CACNA1C: variants seen among roughly 807,000 people sequenced by gnomAD.
The protein encoded by CACNA1C is voltage-dependent L-type calcium channel subunit alpha-1C.
A neutral mutation model predicts 229.0 loss-of-function variants in CACNA1C; 30 were observed. The observed-to-expected ratio is 0.13, with a 90% CI of 0.10 to 0.18. The LOEUF is 0.18. Among genes scored for constraint, CACNA1C ranks in the 10% least tolerant of loss-of-function variants. CACNA1C has a pLI of 1.00. For missense variants in CACNA1C, 1,658 were observed against 2,845.0 expected, an observed-to-expected ratio of 0.58 and a Z score of 9.49; for synonymous variants, 1,114 against 1,132.5, an observed-to-expected ratio of 0.98 and a Z score of 0.33.
chr12:2,268,031 G>A (rs946729807), intron 3 of CACNA1C, among the ~76,000 whole-genome samples: 3 of 152,122 alleles, frequency 2.0e-5, no homozygotes, highest in Non-Finnish European at 2.9e-5. Context: ...AGGTTTTTAG[G>A]TTCTTTGATT....
chr12:2,272,963 C>G (rs1394171072), intron 3 of CACNA1C, among the ~76,000 whole-genome samples: 1 of 152,164 alleles, frequency 6.6e-6, no homozygotes, highest in Non-Finnish European at 1.5e-5. Context: ...TTAATTTTGT[C>G]CGCGTTAGAA....
Position 2,606,652 on chromosome 12 carries a change from G to A in CACNA1C, c.3198G>A (p.Glu1066=), listed in dbSNP as rs765744293. The A allele has an allele frequency of 3.1e-6, 5 of 1,609,500 alleles. No individual in the cohort carries two copies. The South Asian group carries it at 4.5e-5, about 14-fold the overall frequency. ...GTTCAGACAGTTCCAAGCAGACAGA[G>A]GCGGAATGCAAGTGAGTAGAGGTGG... ...YTCSDSSKQT[E]AECKGNYITY... Residue 1066 remains glutamate, a synonymous_variant, in exon 25 of 47, where the codon GAG becomes GAA. Coordinates refer to ENST00000399655, the MANE Select transcript of CACNA1C (RefSeq NM_000719.7).
At chr12:2,129,998 TTTTGGCTTCTTAGAAGCCA>T (rs373171878) in intron 3 of CACNA1C, among the ~76,000 whole-genome samples, 90 of 152,320 alleles carry the variant, frequency 5.9e-4, no homozygotes, top group African/African-American at 2.1e-3. Flanking sequence ...ATAACATTGA[TTTTGGCTTCTTAGAAGCCA>T]TTTTTCCCCT....
intron 3 of CACNA1C, among the ~76,000 whole-genome samples, chr12:2,443,194 G>T (rs1228270878): frequency 6.6e-6 from 1 of 152,148 alleles, no homozygotes; most frequent in Non-Finnish European, 1.5e-5. Flanking sequence ...AAGCAAGTTA[G>T]TTACTTACAA....
intron 1 of CACNA1C, among the ~76,000 whole-genome samples, chr12:2,109,928 G>T (rs2080981859): frequency 6.6e-6 from 1 of 152,204 alleles, no homozygotes; most frequent in African/African-American, 2.4e-5. Context: ...TCCTTCTACA[G>T]TGTCACTGTA....
chr12:2,315,864 G>C (rs760930533), intron 3 of CACNA1C, among the ~76,000 whole-genome samples: 4 of 152,200 alleles, frequency 2.6e-5, no homozygotes, highest in Non-Finnish European at 5.9e-5. Context: ...AGCAGTAAGA[G>C]TGCCCTAAGA....
chr12:2,625,579 A>G (rs1216399581), intron 29 of CACNA1C, among the ~76,000 whole-genome samples: 2 of 152,022 alleles, frequency 1.3e-5, no homozygotes, highest in Non-Finnish European at 2.9e-5. Context: ...AACAACAGCA[A>G]TAGTAGCAAC....
chr12:2,487,824 C>T (rs1226405081), intron 6 of CACNA1C, among the ~76,000 whole-genome samples: 2 of 152,134 alleles, frequency 1.3e-5, no homozygotes, highest in Non-Finnish European at 2.9e-5. Context: ...TAAAATCCTT[C>T]CTTTTATTCA....
intron 3 of CACNA1C, among the ~76,000 whole-genome samples, chr12:2,127,665 A>G (rs2090632651): frequency 6.6e-6 from 1 of 152,170 alleles, no homozygotes; most frequent in Non-Finnish European, 1.5e-5. Context: ...GCATTGGGAA[A>G]GTGCTTCTAC....
Position 2,647,847 on chromosome 12 carries a change from G to A in CACNA1C, c.3913-628G>A, listed in dbSNP as rs867902302. ...TAAAAAACAAATTAAAACAGGCTTG[G>A]CACAGTGGCTTACACCGGTAATCCC... On this transcript the variant is annotated intron_variant, in intron 30 of 46. Coordinates refer to ENST00000399655, the MANE Select transcript of CACNA1C (RefSeq NM_000719.7). The surrounding 1 kb of genome is among the most constrained non-coding windows in gnomAD (Gnocchi z 4.2). Among the ~76,000 whole-genome samples the A allele has an allele frequency of 1.2e-4, 19 of 152,298 alleles. No homozygotes were observed. Among genetic ancestry groups the A allele is most frequent in the Middle Eastern group, 6.8e-3 (2 of 294 alleles).
intron 30 of CACNA1C, chr12:2,641,685 C>T: frequency 1.4e-6 from 1 of 701,938 alleles, no homozygotes; most frequent in South Asian, 1.5e-5. Context: ...CAGTGAGCTG[C>T]CCTTCTAATA....
intron 39 of CACNA1C, chr12:2,676,104 G>A (rs1346778063): frequency 6.6e-6 from 1 of 152,228 alleles, no homozygotes; most frequent in African/African-American, 2.4e-5. Context: ...AAGGTTACCT[G>A]GAGAGTCCAC....
chr12:2,338,690 C>T (rs1439846854), intron 3 of CACNA1C, among the ~76,000 whole-genome samples: 3 of 152,116 alleles, frequency 2.0e-5, no homozygotes, highest in African/African-American at 4.8e-5. Context: ...GCGAGCGACC[C>T]GGTATGCCTG....
rs536805896 is a variant in CACNA1C, at chr12:2,285,712, C to T, written c.478-163264C>T. 9.2e-5 allele frequency among the ~76,000 whole-genome samples: 14 copies of T among 152,250 alleles called. No individual in the cohort carries two copies. In the East Asian group the frequency reaches 1.5e-3, roughly 17 times the overall value. On this transcript the variant is annotated intron_variant, in intron 3 of 46. Coordinates refer to ENST00000399655, the MANE Select transcript of CACNA1C (RefSeq NM_000719.7). This position sits in a 1 kb window ranked among gnomAD's most constrained non-coding sequence, Gnocchi z 4.2. ...CTCCAAACCCCATGTTCTTATCTGA[C>T]GGTATTTCTACTCTTTTTCTCAACC...
chr12:2,349,066 A>C (rs2097131873), intron 3 of CACNA1C, among the ~76,000 whole-genome samples: 1 of 152,170 alleles, frequency 6.6e-6, no homozygotes, highest in South Asian at 2.1e-4. Context: ...TATCTTATCC[A>C]GCCCCTTCAT....
intron 7 of CACNA1C, among the ~76,000 whole-genome samples, chr12:2,497,929 C>T (rs1420269954): frequency 1.3e-5 from 2 of 150,482 alleles, no homozygotes; most frequent in Admixed American, 1.3e-4. Flanking sequence ...TGCCATCCCA[C>T]TATGTGTCTG....
At chr12:2,367,145 T>C (rs2097745481) in intron 3 of CACNA1C, among the ~76,000 whole-genome samples, 1 of 152,200 alleles carries the variant, frequency 6.6e-6, no homozygotes, top group Non-Finnish European at 1.5e-5. Flanking sequence ...GGGCAGGGTT[T>C]TGGGATGAAG....
In CACNA1C at chr12:2,677,662, G is replaced by A. The variant is rs550170501; in HGVS notation, c.4957-71G>A. ...GCCCTGGAGGGACAGGTCTTGGCCC[G>A]AGGCTGTGGCTGGCTGGGGAGCTTG... On this transcript the variant is annotated intron_variant, in intron 40 of 46. Transcript: ENST00000399655. The surrounding 1 kb of genome is among the most constrained non-coding windows in gnomAD (Gnocchi z 7.4). 15 of 1,548,122 alleles carry A rather than the reference G, an allele frequency of 9.7e-6. No individual in the cohort carries two copies. Among genetic ancestry groups the A allele is most frequent in the South Asian group, 3.5e-5 (3 of 84,534 alleles).
intron 3 of CACNA1C, among the ~76,000 whole-genome samples, chr12:2,326,750 T>C (rs977085901): frequency 6.6e-6 from 1 of 152,222 alleles, no homozygotes; most frequent in Non-Finnish European, 1.5e-5. Flanking sequence ...ATTTACTGCC[T>C]GAAACAAAGC....
Sources: gnomAD v4.1 joint callset for allele counts (sites outside exome capture counted in the v4.1 genomes callset) on GRCh38, gnomAD v4.1.1 for gene constraint, Gnocchi (gnomAD v3.1) non-coding constraint, MANE v1.5 for transcripts, NCBI Gene and HGNC (gene_info 2026-07-23, HGNC 2026-07-21) for gene names.